ZNF273: variants seen among roughly 807,000 people sequenced by gnomAD.
The protein encoded by ZNF273 is zinc finger protein 273, also known as zinc finger protein 9.
Under a neutral mutation model 14.9 loss-of-function variants are expected in ZNF273, and 11 were observed. The ratio of observed to expected loss-of-function variants is 0.74; its 90% CI spans 0.46 to 1.22. The LOEUF (loss-of-function observed/expected upper bound fraction) is 1.22. ZNF273 is among the 50% of genes most tolerant of loss of function. The pLI is 0.00. For synonymous variants in ZNF273, 199 were observed against 223.9 expected, an observed-to-expected ratio of 0.89 and a Z score of 0.99; for missense variants, 577 against 660.6, an observed-to-expected ratio of 0.87 and a Z score of 1.39.
At chr7:64,935,684 A>C (rs1795053879), downstream of ZNF273, among the ~76,000 whole-genome samples, 1 of 152,046 alleles carries the variant, frequency 6.6e-6, no homozygotes, top group African/African-American at 2.4e-5. Flanking sequence ...CACTATGCCC[A>C]GCTAATTTTT....
At chr7:64,935,111 C>G (rs1279565220), downstream of ZNF273, among the ~76,000 whole-genome samples, 2 of 152,138 alleles carry the variant, frequency 1.3e-5, no homozygotes, top group African/African-American at 4.8e-5. Flanking sequence ...AGAAATGCTA[C>G]TGACTCGTGT....
At chr7:64,883,128 G>C (rs1791341121), downstream of ZNF273, among the ~76,000 whole-genome samples, 3 of 151,920 alleles carry the variant, frequency 2.0e-5, no homozygotes, top group Admixed American at 2.0e-4. Flanking sequence ...TGGGCTGCGG[G>C]GCTCCGCGTC....
At chr7:64,889,772 C>G (rs1448315518), downstream of ZNF273, 14 of 985,450 alleles carry the variant, frequency 1.4e-5, no homozygotes, top group Non-Finnish European at 1.7e-5. This position sits in a 1 kb window ranked among gnomAD's most constrained non-coding sequence, Gnocchi z 4.2. Context: ...CCAGGAGTCC[C>G]GAGCCCAAGC....
intron 3 of ZNF273, among the ~76,000 whole-genome samples, chr7:64,896,313 C>T (rs929519975): frequency 7.9e-5 from 12 of 151,864 alleles, no homozygotes; most frequent in African/African-American, 2.7e-4. Context: ...TATTTGGTTC[C>T]GCAAATGAAA....
chr7:64,929,076 C>A lies in ZNF273; in HGVS notation c.*38C>A. The A allele has an allele frequency of 1.7e-6, 2 of 1,151,128 alleles. No homozygotes were observed. Among genetic ancestry groups the A allele is most frequent in the South Asian group, 4.6e-5 (2 of 43,496 alleles). 71.3% of individuals were successfully genotyped at this position (1,151,128 alleles called of 1,614,324 possible). On this transcript the variant is annotated 3_prime_UTR_variant, in exon 4 of 4. Coordinates refer to ENST00000476120, the MANE Select transcript of ZNF273 (RefSeq NM_021148.3). The stretch of plus-strand genomic sequence containing the variant: ...TGTGACAAAGCCTTTAAGCGGTTGT[C>A]ACACTTGATTGTATATAAGATAATT...
chr7:64,924,429 AATTAT>A (rs1393304137), intron 3 of ZNF273: 2 of 152,156 alleles, frequency 1.3e-5, no homozygotes, highest in Admixed American at 1.3e-4. Flanking sequence ...AATAGTCTAT[AATTAT>A]ATTGTTCTCT....
At chr7:64,893,141 A>G (rs1792138356), downstream of ZNF273, among the ~76,000 whole-genome samples, 1 of 152,166 alleles carries the variant, frequency 6.6e-6, no homozygotes, top group African/African-American at 2.4e-5. Context: ...TCCTTTTGCT[A>G]AAGGGAAGCT....
At chr7:64,884,457 T>C (rs1791461797), downstream of ZNF273, among the ~76,000 whole-genome samples, 1 of 152,126 alleles carries the variant, frequency 6.6e-6, no homozygotes, top group Non-Finnish European at 1.5e-5. Flanking sequence ...TTTCTGAAAC[T>C]CTCTCTCAAC....
At chr7:64,884,838 C>T (rs1424314664) in intron 1 of ZNF273, among the ~76,000 whole-genome samples, 3 of 152,246 alleles carry the variant, frequency 2.0e-5, no homozygotes, top group Non-Finnish European at 2.9e-5. Context: ...ACTAATGAGA[C>T]GGCCCGAGGA....
intron 3 of ZNF273, chr7:64,923,262 G>C (rs1188376017): frequency 6.8e-6 from 3 of 442,460 alleles, no homozygotes; most frequent in Non-Finnish European, 1.3e-5. Context: ...CGTTATAGTT[G>C]TTAGAATATC....
chr7:64,910,869 A>G (rs1028124566), intron 1 of ZNF273, among the ~76,000 whole-genome samples: 2 of 151,260 alleles, frequency 1.3e-5, no homozygotes, highest in Non-Finnish European at 2.9e-5. Context: ...AGGTTCAAAC[A>G]ATTCTCCAGC....
At chr7:64,898,463 T>A (rs969526038), upstream of ZNF273, among the ~76,000 whole-genome samples, 1 of 152,222 alleles carries the variant, frequency 6.6e-6, no homozygotes, top group Non-Finnish European at 1.5e-5. Context: ...CTGATAACAT[T>A]TTTAGCTAAG....
At chr7:64,899,802 C>G (rs1792577926), upstream of ZNF273, among the ~76,000 whole-genome samples, 1 of 150,376 alleles carries the variant, frequency 6.6e-6, no homozygotes, top group Non-Finnish European at 1.5e-5. Flanking sequence ...CTCTTGTTGC[C>G]CGGGCTGGAG....
At chr7:64,933,703 GAC>G (rs1218843544), downstream of ZNF273, 8 of 152,316 alleles carry the variant, frequency 5.3e-5, no homozygotes, top group African/African-American at 1.7e-4. Context: ...TTATGAAACA[GAC>G]ACAGTATTTG....
chr7:64,914,182 A>ATTTTTTT (rs375695781), intron 1 of ZNF273, among the ~76,000 whole-genome samples: 3 of 70,906 alleles, frequency 4.2e-5, no homozygotes, highest in Non-Finnish European at 2.6e-5. Context: ...TAATTTTTGT[A>ATTTTTTT]TTTTTTTTTT....
intron 3 of ZNF273, among the ~76,000 whole-genome samples, chr7:64,922,681 TCAGGTTATTAGTCCATGTCA>T (rs1411895388): frequency 6.6e-6 from 1 of 151,808 alleles, no homozygotes; most frequent in Non-Finnish European, 1.5e-5. Context: ...ACTCCTGGGA[TCAGGTTATTAGTCCATGTCA>T]CACCTGTAAT....
chr7:64,932,465 C>G (rs751780216), downstream of ZNF273, among the ~76,000 whole-genome samples: 2 of 152,044 alleles, frequency 1.3e-5, no homozygotes, highest in Non-Finnish European at 2.9e-5. Context: ...TGCCACCACG[C>G]CTGGCTAATT....
intron 1 of ZNF273, 41 bp from the exon 2 acceptor site, chr7:64,917,540 G>A (rs1794092303): frequency 6.4e-7 from 1 of 1,572,390 alleles, no homozygotes; most frequent in Non-Finnish European, 8.7e-7. Flanking sequence ...TCTGTCCAGA[G>A]CAAGTTGGTA....
intron 1 of ZNF273, among the ~76,000 whole-genome samples, chr7:64,915,659 G>A (rs1046520185): frequency 3.3e-5 from 5 of 152,196 alleles, no homozygotes; most frequent in African/African-American, 7.2e-5. Context: ...CAGCGTGGGC[G>A]TCATGGCCAT....
Sources: allele counts gnomAD v4.1 joint callset (sites outside exome capture counted in the v4.1 genomes callset), GRCh38; gene constraint gnomAD v4.1.1; non-coding constraint Gnocchi (gnomAD v3.1); transcripts MANE v1.5; gene names NCBI Gene and HGNC (gene_info 2026-07-23, HGNC 2026-07-21).